Variants in ASIC2 observed in about 807,000 individuals in gnomAD.
The protein encoded by ASIC2 is acid-sensing ion channel 2.
ASIC2 carries 25 observed loss-of-function variants against 57.3 expected under a neutral mutation model. The observed-to-expected ratio is 0.44, with a 90% CI of 0.32 to 0.61. The LOEUF (loss-of-function observed/expected upper bound fraction) is 0.61, where lower values mean the gene tolerates loss of function less well. ASIC2 is among the 20% of genes least tolerant of loss of function. ASIC2 has a pLI of 0.06. For missense variants in ASIC2, 641 were observed against 738.1 expected (o/e 0.87, Z 1.52); for synonymous variants, 319 against 307.5 (o/e 1.04, Z -0.39).
chr17:33,642,916 T>TGCAGCCAGAAC, intron 1 of ASIC2, among the ~76,000 whole-genome samples: 1 of 152,330 alleles, frequency 6.6e-6, no homozygotes, highest in South Asian at 2.1e-4. Flanking sequence ...CAGGGCACTT[T>TGCAGCCAGAAC]GCAGCCAGAA....
At chr17:34,015,520 C>T (rs1292561155) in intron 1 of ASIC2, among the ~76,000 whole-genome samples, 1 of 152,234 alleles carries the variant, frequency 6.6e-6, no homozygotes, top group Admixed American at 6.5e-5. Context: ...CGAGGCTCTG[C>T]TACAGAGCAT....
intron 1 of ASIC2, among the ~76,000 whole-genome samples, chr17:33,644,995 T>C (rs1469635373): frequency 1.3e-5 from 2 of 152,214 alleles, no homozygotes; most frequent in Non-Finnish European, 2.9e-5. Flanking sequence ...CATTATTATT[T>C]TGCTTGGTTT....
intron 1 of ASIC2, among the ~76,000 whole-genome samples, chr17:33,898,192 C>A (rs1915144572): frequency 7.3e-6 from 1 of 136,220 alleles, no homozygotes; most frequent in African/African-American, 2.7e-5. Context: ...AGAGAAACTA[C>A]AAAAACTGCC....
intron 1 of ASIC2, among the ~76,000 whole-genome samples, chr17:33,182,264 A>G (rs1225957890): frequency 6.6e-6 from 1 of 152,162 alleles, no homozygotes; most frequent in Non-Finnish European, 1.5e-5. Flanking sequence ...TTTGTAAAAA[A>G]CAAGAATCAG....
intron 1 of ASIC2, chr17:34,051,658 G>A (rs1423993031): frequency 6.6e-6 from 1 of 152,122 alleles, no homozygotes; most frequent in African/African-American, 2.4e-5. Context: ...GAGCACCTCA[G>A]TGCATTCTTG....
chr17:33,824,444 CAT>C (rs1409910702), intron 1 of ASIC2, among the ~76,000 whole-genome samples: 10 of 151,426 alleles, frequency 6.6e-5, no homozygotes, highest in Admixed American at 2.0e-4. Context: ...AAATTATATA[CAT>C]ATATATAATT....
intron 1 of ASIC2, among the ~76,000 whole-genome samples, chr17:33,698,666 G>T (rs1401014875): frequency 6.6e-6 from 1 of 152,148 alleles, no homozygotes; most frequent in Non-Finnish European, 1.5e-5. Context: ...ATGGGGTGTT[G>T]ATGAGGTTTC....
chr17:33,646,587 C>A (rs1906747721), intron 1 of ASIC2, among the ~76,000 whole-genome samples: 2 of 152,142 alleles, frequency 1.3e-5, no homozygotes. Context: ...TTGTATAGAA[C>A]AGACACTTCT....
At chr17:33,439,365 G>A (rs1911745485) in intron 1 of ASIC2, among the ~76,000 whole-genome samples, 1 of 152,204 alleles carries the variant, frequency 6.6e-6, no homozygotes, top group Admixed American at 6.5e-5. Context: ...GGGGGGAGGA[G>A]TGAAGGCTGG....
At chr17:33,229,735 G>A (rs996418622) in intron 1 of ASIC2, among the ~76,000 whole-genome samples, 1 of 152,210 alleles carries the variant, frequency 6.6e-6, no homozygotes, top group African/African-American at 2.4e-5. Context: ...TGCTGGTCTA[G>A]CTGGCTGACC....
intron 3 of ASIC2, among the ~76,000 whole-genome samples, chr17:33,063,404 T>C (rs2092029144): frequency 6.6e-6 from 1 of 152,220 alleles, no homozygotes; most frequent in Non-Finnish European, 1.5e-5. Flanking sequence ...AGTATTTTAT[T>C]TCTCCTTCAC....
chr17:33,483,402 G>A (rs909674685), intron 1 of ASIC2, among the ~76,000 whole-genome samples: 2 of 152,244 alleles, frequency 1.3e-5, no homozygotes, highest in African/African-American at 2.4e-5. Context: ...TTAGCAAGTG[G>A]GCTCTATCCT....
In ASIC2 at chr17:33,719,947, C is replaced by A. The variant is rs149476407; in HGVS notation, c.555+436031G>T. On this transcript the variant is annotated intron_variant, in intron 1 of 9. Transcript: ENST00000359872. ...CCAGGCTGGAGTGTAGTGGTGCAAT[C>A]TCGGCTCACTGAAGCTTCAAAACTT... 2.2e-3 allele frequency among the ~76,000 whole-genome samples: 330 copies of A among 152,304 alleles called. 5 individuals carry two copies. The highest frequency in any genetic ancestry group is 0.018 in the Admixed American group (271 of 15,304).
chr17:33,198,292 C>T (rs1906718707), intron 1 of ASIC2, among the ~76,000 whole-genome samples: 1 of 152,188 alleles, frequency 6.6e-6, no homozygotes, highest in African/African-American at 2.4e-5. Context: ...GTCCAGACTG[C>T]AGGGAGCCAT....
chr17:33,203,640 C>A (rs1321696470), intron 1 of ASIC2, among the ~76,000 whole-genome samples: 1 of 152,058 alleles, frequency 6.6e-6, no homozygotes, highest in Admixed American at 6.5e-5. Flanking sequence ...TCTTTATTCT[C>A]GGGGTTGGCA....
intron 1 of ASIC2, among the ~76,000 whole-genome samples, chr17:33,914,462 G>A (rs537711012): frequency 4.6e-5 from 7 of 152,184 alleles, no homozygotes; most frequent in Non-Finnish European, 8.8e-5. Context: ...AGTCTCAGGG[G>A]AGCCTCGATG....
intron 1 of ASIC2, among the ~76,000 whole-genome samples, chr17:33,788,134 A>G (rs571239218): frequency 7.2e-4 from 109 of 152,320 alleles, no homozygotes; most frequent in Middle Eastern, 3.4e-3. Context: ...AACCTACAGA[A>G]TGGGACAAAA....
At chr17:33,508,524 G>T (rs1186352708) in intron 1 of ASIC2, among the ~76,000 whole-genome samples, 1 of 152,202 alleles carries the variant, frequency 6.6e-6, no homozygotes, top group Non-Finnish European at 1.5e-5. Context: ...GCCAGTCCAA[G>T]TTGGACCTCA....
At chr17:33,938,525 T>C (rs564014241) in intron 1 of ASIC2, among the ~76,000 whole-genome samples, 1 of 152,366 alleles carries the variant, frequency 6.6e-6, no homozygotes, top group Admixed American at 6.5e-5. Context: ...CTTAATACTC[T>C]GATAAACTTC....
Sources: gnomAD v4.1 joint callset for allele counts (sites outside exome capture counted in the v4.1 genomes callset) on GRCh38, gnomAD v4.1.1 for gene constraint, MANE v1.5 for transcripts, NCBI Gene and HGNC (gene_info 2026-07-23, HGNC 2026-07-21) for gene names.